Variants in KCNK2 observed in about 807,000 individuals in gnomAD.
KCNK2 encodes potassium two pore domain channel subfamily K member 2.
Under a neutral mutation model 40.5 loss-of-function variants are expected in KCNK2, and 21 were observed. That is an observed-to-expected ratio of 0.52 (90% confidence interval 0.37 to 0.75). The LOEUF is 0.75. Ranked by LOEUF, KCNK2 falls within the 30% of genes least tolerant of loss-of-function variation. KCNK2 has a pLI of 0.00. For missense variants in KCNK2, 399 were observed against 531.6 expected (o/e 0.75, Z 2.45); for synonymous variants, 191 against 202.2 (o/e 0.94, Z 0.47).
intron 3 of KCNK2, among the ~76,000 whole-genome samples, chr1:215,153,628 T>A (rs1411539188): frequency 3.3e-5 from 5 of 152,026 alleles, no homozygotes; most frequent in Non-Finnish European, 7.4e-5. Context: ...TAATTTTTTT[T>A]AAATTTTACT....
chr1:215,083,555 C>T, intron 1 of KCNK2, 124 bp downstream of exon 1: 1 of 749,262 alleles, frequency 1.3e-6, no homozygotes, highest in Admixed American at 1.9e-5. Context: ...GCTTCGCGTC[C>T]AAAGTGTTGG....
chr1:215,054,536 A>G (rs2102502055), intron 1 of KCNK2, among the ~76,000 whole-genome samples: 1 of 152,334 alleles, frequency 6.6e-6, no homozygotes, highest in East Asian at 1.9e-4. Context: ...ATTCTCCGGT[A>G]GGCTGCACTG....
intron 1 of KCNK2, among the ~76,000 whole-genome samples, chr1:215,026,335 A>G (rs1461296717): frequency 6.6e-6 from 1 of 152,042 alleles, no homozygotes; most frequent in African/African-American, 2.4e-5. Context: ...CTTCTGCTAC[A>G]CAAGTTTTTT....
chr1:215,119,127 G>A (rs1661073416), intron 2 of KCNK2, among the ~76,000 whole-genome samples: 1 of 152,122 alleles, frequency 6.6e-6, no homozygotes, highest in African/African-American at 2.4e-5. Context: ...CTTCTTTAAT[G>A]AAAACATGGC....
At chr1:215,112,129 G>A (rs1660711112) in intron 2 of KCNK2, among the ~76,000 whole-genome samples, 1 of 152,064 alleles carries the variant, frequency 6.6e-6, no homozygotes, top group Non-Finnish European at 1.5e-5. Flanking sequence ...AATGCTGTTA[G>A]CTGGACAAGA....
At chr1:215,026,801 A>G (rs1353180961) in intron 1 of KCNK2, among the ~76,000 whole-genome samples, 1 of 152,078 alleles carries the variant, frequency 6.6e-6, no homozygotes, top group Non-Finnish European at 1.5e-5. Flanking sequence ...AATTCTATTG[A>G]GAATGACATC....
chr1:215,210,620 G>C (rs1265994377), intron 6 of KCNK2, among the ~76,000 whole-genome samples: 2 of 151,928 alleles, frequency 1.3e-5, no homozygotes, highest in African/African-American at 4.8e-5. Context: ...CATTTTACTA[G>C]GTATTGGGAA....
intron 1 of KCNK2, among the ~76,000 whole-genome samples, chr1:215,039,259 A>G (rs1657486119): frequency 6.6e-6 from 1 of 152,154 alleles, no homozygotes; most frequent in Admixed American, 6.6e-5. Context: ...CCTAAAAAAA[A>G]TTACTCCAAC....
At chr1:215,088,001 G>T (rs566873595) in intron 2 of KCNK2, among the ~76,000 whole-genome samples, 4 of 152,160 alleles carry the variant, frequency 2.6e-5, no homozygotes, top group Non-Finnish European at 5.9e-5. Flanking sequence ...TGAAAATGCT[G>T]TTCACTTATA....
chr1:215,209,476 T>TAATATATATTATATATTA (rs1553274203), intron 6 of KCNK2, among the ~76,000 whole-genome samples: 2 of 43,194 alleles, frequency 4.6e-5, no homozygotes, highest in Non-Finnish European at 8.4e-5. Flanking sequence ...ATAATATATA[T>TAATATATATTATATATTA]TATATATAAT....
intron 5 of KCNK2, among the ~76,000 whole-genome samples, chr1:215,177,737 TA>T (rs1417544287): frequency 3.9e-4 from 27 of 69,060 alleles, no homozygotes; most frequent in South Asian, 1.4e-3. Context: ...TATATATATA[TA>T]TATTTTTTTT....
intron 3 of KCNK2, among the ~76,000 whole-genome samples, chr1:215,125,142 C>T (rs1368103787): frequency 1.3e-5 from 2 of 151,920 alleles, no homozygotes; most frequent in Non-Finnish European, 2.9e-5. Context: ...ATCACCTTTT[C>T]GAATTTGTAA....
chr1:215,203,626 A>C (rs1055489954), intron 6 of KCNK2, among the ~76,000 whole-genome samples: 3 of 152,162 alleles, frequency 2.0e-5, no homozygotes, highest in African/African-American at 7.2e-5. Flanking sequence ...TGAAATAATA[A>C]GTAAACACAA....
rs1666880667 is a variant in KCNK2 at position 215,236,114 on chromosome 1, G to C, written c.*969G>C. On this transcript the variant is annotated 3_prime_UTR_variant, in exon 7 of 7. Coordinates refer to ENST00000444842, the MANE Select transcript of KCNK2 (RefSeq NM_001017425.3). ...TATCTATCTAAATGACCTGACAGAAGAAAACTGTTAAAAATGGATATTATT... is the reference window on the plus strand; with the variant it reads ...TATCTATCTAAATGACCTGACAGAACAAAACTGTTAAAAATGGATATTATT... 7.3e-6 allele frequency: 1 copy of C among 136,274 alleles called. No individual in the cohort carries two copies. Among genetic ancestry groups the C allele is most frequent in the Non-Finnish European group, 1.6e-5 (1 of 60,656 alleles). 8.4% of individuals were successfully genotyped at this position (136,274 alleles called of 1,614,324 possible).
At chr1:215,225,485 T>C (rs1005908039) in intron 6 of KCNK2, among the ~76,000 whole-genome samples, 2 of 152,222 alleles carry the variant, frequency 1.3e-5, no homozygotes, top group African/African-American at 4.8e-5. Context: ...TTTAGTCTGA[T>C]TAAAATTGGT....
chr1:215,046,730 T>C (rs967065001), intron 1 of KCNK2, among the ~76,000 whole-genome samples: 3 of 152,078 alleles, frequency 2.0e-5, no homozygotes, highest in Non-Finnish European at 2.9e-5. Context: ...AAGACTGAGG[T>C]AATGGTAAAA....
chr1:215,127,856 C>T lies in KCNK2; in HGVS notation c.475+3106C>T, dbSNP rs145846210. ...ATGACTTATTGGAAATTACATAACA[C>T]CATATTGATACCTGTGAGGCTAAAT... On this transcript the variant is annotated intron_variant, in intron 3 of 6. Transcript: ENST00000444842. Among the ~76,000 whole-genome samples the T allele has an allele frequency of 1.9e-3, 284 of 152,264 alleles. 1 individual carries two copies. The highest frequency in any genetic ancestry group is 6.5e-3 in the African/African-American group (272 of 41,566).
intron 1 of KCNK2, among the ~76,000 whole-genome samples, chr1:215,033,639 C>A (rs1657283715): frequency 6.6e-6 from 1 of 152,054 alleles, no homozygotes; most frequent in Non-Finnish European, 1.5e-5. Flanking sequence ...ACTCCCCACC[C>A]CATTAGATGG....
chr1:215,060,414 C>T (rs1010947456), intron 1 of KCNK2, among the ~76,000 whole-genome samples: 1 of 152,148 alleles, frequency 6.6e-6, no homozygotes, highest in Non-Finnish European at 1.5e-5. Context: ...GTAGCCTAGA[C>T]ACTGTCTTTG....
Sources: allele counts gnomAD v4.1 joint callset (sites outside exome capture counted in the v4.1 genomes callset), GRCh38; gene constraint gnomAD v4.1.1; transcripts MANE v1.5; gene names NCBI Gene and HGNC (gene_info 2026-07-23, HGNC 2026-07-21).